Variants in DENND4C observed in about 807,000 individuals in gnomAD.
The protein encoded by DENND4C is DENN domain containing 4C.
A neutral mutation model predicts 203.0 loss-of-function variants in DENND4C; 108 were observed. The ratio of observed to expected loss-of-function variants is 0.53; its 90% CI spans 0.46 to 0.62. The LOEUF is 0.62. Ranked by LOEUF, DENND4C falls within the 20% of genes least tolerant of loss-of-function variation. The probability of loss-of-function intolerance (pLI) is 0.00; values close to 1 mark genes in which losing one functional copy is unlikely to be tolerated. For synonymous variants in DENND4C, 871 were observed against 792.4 expected, an observed-to-expected ratio of 1.10 and a Z score of -1.67; for missense variants, 2,481 against 2,301.2, an observed-to-expected ratio of 1.08 and a Z score of -1.60.
chr9:19,308,209 T>A (rs1840063457), intron 10 of DENND4C, among the ~76,000 whole-genome samples: 1 of 152,200 alleles, frequency 6.6e-6, no homozygotes, highest in East Asian at 1.9e-4. Flanking sequence ...AGCATATACC[T>A]GGAAGCGCTA....
chr9:19,269,155 C>G (rs1831114790), intron 1 of DENND4C, among the ~76,000 whole-genome samples: 1 of 151,702 alleles, frequency 6.6e-6, no homozygotes, highest in South Asian at 2.1e-4. Flanking sequence ...GACTGTATTT[C>G]CTTTCTTTCT....
intron 1 of DENND4C, among the ~76,000 whole-genome samples, chr9:19,243,034 T>C (rs546885299): frequency 6.6e-6 from 1 of 152,314 alleles, no homozygotes; most frequent in South Asian, 2.1e-4. Flanking sequence ...GGGGGGTATC[T>C]TGATGTTTTC....
chr9:19,294,192 C>G (rs1361539469), intron 5 of DENND4C, among the ~76,000 whole-genome samples: 1 of 151,432 alleles, frequency 6.6e-6, no homozygotes, highest in African/African-American at 2.4e-5. Context: ...ATAGTTAAAA[C>G]CATGAGAGAA....
rs1018545945 is a variant in DENND4C, at chr9:19,290,697, TCA to T, written c.629-6_629-5del. 26 of 1,412,104 alleles carry T rather than the reference TCA, an allele frequency of 1.8e-5. No homozygotes were observed. The highest frequency in any genetic ancestry group is 2.3e-5 in the Non-Finnish European group (25 of 1,073,800). The allele number at this position is 1,412,104 out of a possible 1,614,324, so 87.5% of individuals were successfully genotyped here. ...AAAAAATTTATTGTTGTCTCATTCT[TCA>T]AAAGGTTTAATTTTTAGATATCCAG... On this transcript the variant is annotated splice_polypyrimidine_tract_variant and splice_region_variant and intron_variant, in intron 4 of 32. Coordinates refer to ENST00000434457, the MANE Select transcript of DENND4C (RefSeq NM_001330640.2).
Position 19,326,986 on chromosome 9 carries a change from C to T in DENND4C, c.2120+792C>T, listed in dbSNP as rs941243787. ...TTTGTTATTTTCTTAGGCTGCATTT[C>T]TAAAAGAATTTCTAAAATAGAAAGT... On this transcript the variant is annotated intron_variant, in intron 15 of 32. Coordinates refer to ENST00000434457, the MANE Select transcript of DENND4C (RefSeq NM_001330640.2). 6.0e-5 allele frequency among the ~76,000 whole-genome samples: 9 copies of T among 150,964 alleles called. No homozygotes were observed. In the Admixed American group the frequency reaches 6.0e-4, roughly 10 times the overall value.
chr9:19,271,449 C>T (rs1190967930), intron 1 of DENND4C, among the ~76,000 whole-genome samples: 1 of 152,146 alleles, frequency 6.6e-6, no homozygotes, highest in Non-Finnish European at 1.5e-5. Context: ...GATCCGCCTA[C>T]CTCTGGCCTT....
At position 19,238,710 on chromosome 9, in the gene DENND4C, A is replaced by G. The variant is rs557634032; in HGVS notation, c.-18+7877A>G. Among the ~76,000 whole-genome samples the G allele has an allele frequency of 1.3e-3, 177 of 133,702 alleles. 1 individual carries two copies. The highest frequency in any genetic ancestry group is 4.6e-3 in the African/African-American group (163 of 35,258). The allele number at this position is 133,702 out of a possible 152,430, so 87.7% of individuals were successfully genotyped here. On this transcript the variant is annotated intron_variant, in intron 1 of 32. Transcript: ENST00000434457. Reference sequence around the variant, plus strand: ...CTCTTGTGGCCCAGGCTGGAGTGCAATGATGTGATCTCGGCTCACTGCAAC... The same window carrying G: ...CTCTTGTGGCCCAGGCTGGAGTGCAGTGATGTGATCTCGGCTCACTGCAAC...
intron 1 of DENND4C, among the ~76,000 whole-genome samples, chr9:19,261,257 A>C (rs1250844347): frequency 2.0e-5 from 3 of 152,032 alleles, no homozygotes; most frequent in African/African-American, 7.2e-5. Flanking sequence ...CTGTTTGGCT[A>C]CTATAGCTCT....
At chr9:19,292,465 AAGAAG>A (rs1441535135) in intron 5 of DENND4C, 1 of 152,146 alleles carries the variant, frequency 6.6e-6, no homozygotes, top group Non-Finnish European at 1.5e-5. Flanking sequence ...CTGATTTATA[AAGAAG>A]AGAAGGCAAA....
intron 1 of DENND4C, among the ~76,000 whole-genome samples, chr9:19,256,310 T>TTTTTTTTTTTTTTTTTTTTTTTG (rs1827934218): frequency 1.8e-4 from 1 of 5,496 alleles, no homozygotes; most frequent in Admixed American, 2.8e-3. Flanking sequence ...TTTTTTTTTG[T>TTTTTTTTTTTTTTTTTTTTTTTG]TTTTTTTTTT....
At chr9:19,283,796 T>C (rs968149721) in intron 2 of DENND4C, among the ~76,000 whole-genome samples, 2 of 151,890 alleles carry the variant, frequency 1.3e-5, no homozygotes, top group African/African-American at 4.8e-5. Context: ...TGTTTTTCCA[T>C]GTTGGTCAGG....
In DENND4C at chr9:19,360,406, G is replaced by C. The variant is rs375445031; in HGVS notation, c.5323G>C (p.Val1775Leu). The stretch of plus-strand genomic sequence containing the variant: ...ACATCCAATCATTTTCTGGAACCTC[G>C]TTTGGTATTTCAGACGTTTGGACCT... ...NQHPIIFWNLVWYFRRLDLPS... is the reference protein window; with the variant it reads ...NQHPIIFWNLLWYFRRLDLPS... The change falls in exon 29 of 33, where the codon GTT becomes CTT. Residue 1775 changes from valine (V) to leucine (L), a missense_variant. Around this residue, in one of 3 missense-constraint regions of DENND4C, gnomAD observed 2,289 missense variants for 2,113.3 expected, o/e 1.08. Transcript: ENST00000434457. The C allele has an allele frequency of 1.9e-6, 3 of 1,614,028 alleles. No individual in the cohort carries two copies. Among genetic ancestry groups the C allele is most frequent in the South Asian group, 1.1e-5 (1 of 91,080 alleles).
intron 12 of DENND4C, among the ~76,000 whole-genome samples, chr9:19,321,019 G>C (rs1379991712): frequency 2.0e-5 from 3 of 152,204 alleles, no homozygotes; most frequent in African/African-American, 7.2e-5. Flanking sequence ...GCATTAACCA[G>C]GTTATGCAGG....
Position 19,296,024 on chromosome 9 carries a change from T to G in DENND4C, c.818T>G (p.Ile273Ser). 6.2e-7 allele frequency: 1 copy of G among 1,613,662 alleles called. No individual in the cohort carries two copies. Among genetic ancestry groups the G allele is most frequent in the Non-Finnish European group, 8.5e-7 (1 of 1,179,648 alleles). ...SSAKKVYGAA[I>S]QFYEPYSREL... ...ACTCTTTAGGTATATGGAGCTGCCATTCAGTTTTATGAACCTTACTCTCGG... is the reference window on the plus strand; with the variant it reads ...ACTCTTTAGGTATATGGAGCTGCCAGTCAGTTTTATGAACCTTACTCTCGG... The change falls in exon 6 of 33, where the codon ATT becomes AGT. Residue 273 changes from isoleucine to serine, a missense_variant. By Grantham distance (142) the Ile-to-Ser change is moderately radical. Coordinates refer to ENST00000434457, the MANE Select transcript of DENND4C (RefSeq NM_001330640.2).
Position 19,324,605 on chromosome 9 carries a change from CAG to C in DENND4C, c.1953+101_1953+102del, listed in dbSNP as rs1426059196. ...TTAGTCTAGAGTGATATAAGGAAAA[CAG>C]AGTAGGGTTGTGTATGTGTGTGTAT... On this transcript the variant is annotated intron_variant, in intron 13 of 32. Transcript: ENST00000434457. 8 of 1,279,582 alleles carry C rather than the reference CAG, an allele frequency of 6.3e-6. No homozygotes were observed. In the East Asian group the frequency reaches 1.6e-4, roughly 26 times the overall value. 79.3% of individuals were successfully genotyped at this position (1,279,582 alleles called of 1,614,324 possible). A position where few individuals can be genotyped will look rare whatever the true frequency, so the allele number is the denominator to read the frequency against.
chr9:19,335,950 A>G (rs1820372619), intron 18 of DENND4C, among the ~76,000 whole-genome samples: 1 of 152,134 alleles, frequency 6.6e-6, no homozygotes, highest in South Asian at 2.1e-4. Flanking sequence ...TTTGTGAGGA[A>G]TCTTTTTAAT....
At chr9:19,320,199 C>T (rs922271637) in intron 12 of DENND4C, among the ~76,000 whole-genome samples, 18 of 151,528 alleles carry the variant, frequency 1.2e-4, no homozygotes, top group African/African-American at 4.4e-4. Context: ...TTTTCACAAA[C>T]ATCTTTTTTT....
intron 1 of DENND4C, among the ~76,000 whole-genome samples, chr9:19,247,077 T>A (rs1215818036): frequency 6.6e-6 from 1 of 152,216 alleles, no homozygotes; most frequent in Admixed American, 6.5e-5. Flanking sequence ...CATCAGCATT[T>A]GACACAAGTG....
chr9:19,316,543 T>C (rs1228969973), intron 11 of DENND4C, 26 bp downstream of exon 11: 1 of 1,602,828 alleles, frequency 6.2e-7, no homozygotes, highest in Admixed American at 1.7e-5. Context: ...AGGAATATTA[T>C]TAATGAAGGA....
Sources: gnomAD v4.1 joint callset for allele counts (sites outside exome capture counted in the v4.1 genomes callset) on GRCh38, gnomAD v4.1.1 for gene constraint, gnomAD v4.1.1 regional missense constraint, MANE v1.5 for transcripts, NCBI Gene and HGNC (gene_info 2026-07-23, HGNC 2026-07-21) for gene names.